Variants in FHIT observed in about 807,000 individuals in gnomAD.
The protein encoded by FHIT is fragile histidine triad diadenosine triphosphatase.
A neutral mutation model predicts 17.9 loss-of-function variants in FHIT; 19 were observed. That is an observed-to-expected ratio of 1.06 (90% CI 0.74 to 1.56). The LOEUF is 1.56. Among genes scored for constraint, FHIT ranks in the 40% most tolerant of loss-of-function variants. The pLI, the probability that FHIT is intolerant of heterozygous loss-of-function variation, is 0.00. For missense variants in FHIT, 248 were observed against 189.2 expected, an observed-to-expected ratio of 1.31 and a Z score of -1.82; for synonymous variants, 81 against 69.7, an observed-to-expected ratio of 1.16 and a Z score of -0.81.
At chr3:61,065,797 A>C (rs2034588282) in intron 2 of FHIT, among the ~76,000 whole-genome samples, 2 of 151,982 alleles carry the variant, frequency 1.3e-5, no homozygotes, top group South Asian at 4.1e-4. Flanking sequence ...ACAAGCTTTT[A>C]TTCTCTCATT....
At chr3:60,961,417 G>A (rs1213882159) in intron 3 of FHIT, among the ~76,000 whole-genome samples, 1 of 152,160 alleles carries the variant, frequency 6.6e-6, no homozygotes, top group African/African-American at 2.4e-5. Flanking sequence ...TTGCTGTGCA[G>A]AAACTCTTTA....
At chr3:61,237,490 A>G (rs1021857077) in intron 1 of FHIT, among the ~76,000 whole-genome samples, 1 of 152,192 alleles carries the variant, frequency 6.6e-6, no homozygotes, top group African/African-American at 2.4e-5. Flanking sequence ...AGAACTGATG[A>G]TTTCTACATT....
intron 5 of FHIT, among the ~76,000 whole-genome samples, chr3:60,145,847 A>C (rs1246348719): frequency 6.6e-6 from 1 of 152,194 alleles, no homozygotes; most frequent in African/African-American, 2.4e-5. Context: ...ACTGCTTCAC[A>C]AAACAGATTT....
intron 5 of FHIT, among the ~76,000 whole-genome samples, chr3:60,207,981 G>C (rs1205629915): frequency 2.0e-5 from 3 of 152,188 alleles, no homozygotes; most frequent in Admixed American, 2.0e-4. Context: ...AACTGCATGA[G>C]ACAAGAGTAT....
intron 8 of FHIT, among the ~76,000 whole-genome samples, chr3:59,800,629 A>T (rs1432536177): frequency 6.6e-6 from 1 of 152,242 alleles, no homozygotes; most frequent in Non-Finnish European, 1.5e-5. Context: ...TGAGCTGTTA[A>T]CCATAGGCAG....
chr3:60,235,895 T>C (rs1402068369), intron 5 of FHIT, among the ~76,000 whole-genome samples: 2 of 152,174 alleles, frequency 1.3e-5, no homozygotes, highest in Non-Finnish European at 2.9e-5. Flanking sequence ...AGTTTATCAC[T>C]AGAGCGTTCA....
intron 3 of FHIT, among the ~76,000 whole-genome samples, chr3:60,910,450 C>T (rs1218563357): frequency 6.8e-6 from 1 of 146,386 alleles, no homozygotes; most frequent in Non-Finnish European, 1.5e-5. Context: ...CTCGCTTTGT[C>T]GCCTAGGCTG....
intron 1 of FHIT, among the ~76,000 whole-genome samples, chr3:61,239,784 T>TATATATATATATATATATATATAC (rs1350286112): frequency 2.9e-5 from 4 of 139,646 alleles, no homozygotes; most frequent in South Asian, 2.3e-4. Flanking sequence ...TATATATATA[T>TATATATATATATATATATATATAC]ACACAAATTC....
chr3:60,196,554 A>G, intron 5 of FHIT, among the ~76,000 whole-genome samples: 1 of 152,124 alleles, frequency 6.6e-6, no homozygotes, highest in East Asian at 1.9e-4. Context: ...GTAAGGTAAC[A>G]TTCACAGGTG....
intron 2 of FHIT, among the ~76,000 whole-genome samples, chr3:61,095,908 T>C (rs1276340327): frequency 6.6e-6 from 1 of 152,170 alleles, no homozygotes; most frequent in East Asian, 1.9e-4. Flanking sequence ...AATGCCTCCA[T>C]TCCTGGCTCA....
At chr3:60,520,302 C>A (rs575188504) in intron 5 of FHIT, among the ~76,000 whole-genome samples, 2 of 152,020 alleles carry the variant, frequency 1.3e-5, no homozygotes, top group East Asian at 3.9e-4. Context: ...TGAAAAAAAT[C>A]CACAGAAGTG....
chr3:61,032,593 T>C (rs1211059976), intron 3 of FHIT, among the ~76,000 whole-genome samples: 1 of 152,098 alleles, frequency 6.6e-6, no homozygotes, highest in Admixed American at 6.6e-5. Flanking sequence ...GCCAGACATA[T>C]TAAGATACTG....
chr3:60,200,031 G>T (rs116265087), intron 5 of FHIT, among the ~76,000 whole-genome samples: 2 of 152,238 alleles, frequency 1.3e-5, no homozygotes, highest in Non-Finnish European at 2.9e-5. Flanking sequence ...CTAACCCACT[G>T]TGTGATTCAG....
intron 2 of FHIT, among the ~76,000 whole-genome samples, chr3:61,125,837 A>G (rs2036589749): frequency 6.6e-6 from 1 of 152,184 alleles, no homozygotes; most frequent in Admixed American, 6.6e-5. Flanking sequence ...ATTTTTTTAA[A>G]TGACAGTATC....
At chr3:61,069,313 A>G (rs2034721263) in intron 2 of FHIT, among the ~76,000 whole-genome samples, 1 of 152,166 alleles carries the variant, frequency 6.6e-6, no homozygotes, top group African/African-American at 2.4e-5. Context: ...GTGCTTCTCA[A>G]TTTGGCTGCA....
intron 5 of FHIT, among the ~76,000 whole-genome samples, chr3:60,255,709 C>T (rs1705953921): frequency 6.6e-6 from 1 of 152,040 alleles, no homozygotes; most frequent in Non-Finnish European, 1.5e-5. Context: ...CAGTCAGTGG[C>T]CTCCAGGAGG....
chr3:61,114,203 G>A (rs2036236820), intron 2 of FHIT, among the ~76,000 whole-genome samples: 1 of 152,100 alleles, frequency 6.6e-6, no homozygotes, highest in African/African-American at 2.4e-5. Context: ...GGACCCAAGG[G>A]ATGTTGGCCA....
intron 2 of FHIT, among the ~76,000 whole-genome samples, chr3:61,147,177 T>C (rs1172197525): frequency 6.6e-6 from 1 of 152,056 alleles, no homozygotes; most frequent in Non-Finnish European, 1.5e-5. Context: ...ACACCCAGTG[T>C]GTCTAAAATA....
chr3:60,205,878 G>C (rs560596896), intron 5 of FHIT, among the ~76,000 whole-genome samples: 3 of 151,924 alleles, frequency 2.0e-5, no homozygotes, highest in Non-Finnish European at 2.9e-5. Context: ...GGAGGCCGAG[G>C]GGGGCAGATC....
Sources: gnomAD v4.1 joint callset for allele counts (sites outside exome capture counted in the v4.1 genomes callset) on GRCh38, gnomAD v4.1.1 for gene constraint, MANE v1.5 for transcripts, NCBI Gene and HGNC (gene_info 2026-07-23, HGNC 2026-07-21) for gene names.